TF: variants seen among roughly 807,000 people sequenced by gnomAD.
TF encodes serotransferrin.
In TF, 55 loss-of-function variants were observed where a neutral mutation model predicts 82.4. The observed-to-expected ratio is 0.67, with a 90% CI of 0.54 to 0.84. The LOEUF is 0.84. Among genes scored for constraint, TF ranks in the 40% least tolerant of loss-of-function variants. TF has a pLI of 0.00. For missense variants in TF, 737 were observed against 868.4 expected, an observed-to-expected ratio of 0.85 and a Z score of 1.90; for synonymous variants, 332 against 332.6, an observed-to-expected ratio of 1.00 and a Z score of 0.02.
the TF span, among the ~76,000 whole-genome samples, chr3:133,703,275 T>G: frequency 6.6e-6 from 1 of 152,216 alleles, no homozygotes; most frequent in Non-Finnish European, 1.5e-5. Flanking sequence ...TCATTTAGTC[T>G]TCATGATAAA....
the TF span, among the ~76,000 whole-genome samples, chr3:133,678,859 T>C: frequency 6.9e-6 from 1 of 144,786 alleles, no homozygotes; most frequent in Non-Finnish European, 1.5e-5. Context: ...ATTTTTTGTT[T>C]TGTTTTGTTT....
At chr3:133,762,731 G>C (rs1259643055) in intron 9 of TF, among the ~76,000 whole-genome samples, 4 of 152,146 alleles carry the variant, frequency 2.6e-5, no homozygotes, top group Non-Finnish European at 4.4e-5. Flanking sequence ...TTTGAGCCCT[G>C]ACCCATGAAT....
chr3:133,690,849 G>A, the TF span, among the ~76,000 whole-genome samples: 4 of 152,148 alleles, frequency 2.6e-5, no homozygotes, highest in Admixed American at 6.5e-5. Flanking sequence ...GTCAATTCTC[G>A]CTGCTTCTCA....
chr3:133,776,448 AT>A (rs1324564132), intron 15 of TF, among the ~76,000 whole-genome samples: 1 of 152,208 alleles, frequency 6.6e-6, no homozygotes, highest in South Asian at 2.1e-4. Flanking sequence ...TTTAAAAAAA[AT>A]AAGAGTATAT....
At chr3:133,733,038 C>T in the TF span, among the ~76,000 whole-genome samples, 6 of 152,210 alleles carry the variant, frequency 3.9e-5, no homozygotes, top group Admixed American at 3.9e-4. Context: ...TTACTGAATG[C>T]CACTTCTACC....
rs1934861524 is a variant in TF, at chr3:133,792,338, C to A, written c.*13718C>A. The A allele has an allele frequency of 6.6e-6, 1 of 152,150 alleles. No homozygotes were observed. Among genetic ancestry groups the A allele is most frequent in the South Asian group, 2.1e-4 (1 of 4,822 alleles). The allele number at this position is 152,150 out of a possible 1,614,324, so 9.4% of individuals were successfully genotyped here. On this transcript the variant is annotated 3_prime_UTR_variant, in exon 17 of 17. Transcript: ENST00000402696. ...CATGTCGTAGATGGTCTGTGTAAGT[C>A]ATGAAATAATTTACAAAAGAGAATT...
chr3:133,737,178 A>G, the TF span, among the ~76,000 whole-genome samples: 1 of 152,254 alleles, frequency 6.6e-6, no homozygotes, highest in Non-Finnish European at 1.5e-5. Flanking sequence ...AAACTGCACA[A>G]CTACATGGAA....
chr3:133,683,321 T>A, the TF span, among the ~76,000 whole-genome samples: 2 of 152,132 alleles, frequency 1.3e-5, no homozygotes, highest in African/African-American at 4.8e-5. Context: ...CCAGCTAACA[T>A]CATAATGACA....
chr3:133,690,837 A>G, the TF span, among the ~76,000 whole-genome samples: 2 of 152,306 alleles, frequency 1.3e-5, no homozygotes, highest in Non-Finnish European at 2.9e-5. Flanking sequence ...ACTGAAACCC[A>G]TGTCAATTCT....
intron 5 of TF, 117 bp from the exon 6 acceptor site, chr3:133,756,165 A>G: frequency 1.0e-6 from 1 of 952,782 alleles, no homozygotes; most frequent in South Asian, 1.4e-5. Context: ...TGCTTCAGCT[A>G]CGGGGCTGCA....
At chr3:133,667,582 A>T in the TF span, among the ~76,000 whole-genome samples, 1 of 152,146 alleles carries the variant, frequency 6.6e-6, no homozygotes, top group African/African-American at 2.4e-5. Context: ...GGGGCCAAAG[A>T]TAGCAATCAG....
At chr3:133,757,104 G>A in intron 7 of TF, 95 bp downstream of exon 7, 1 of 1,529,670 alleles carries the variant, frequency 6.5e-7, no homozygotes, top group South Asian at 1.1e-5. Flanking sequence ...GGAAGTCTGT[G>A]TGTTCAGGAT....
the TF span, among the ~76,000 whole-genome samples, chr3:133,703,728 G>T: frequency 2.0e-5 from 3 of 152,234 alleles, no homozygotes; most frequent in Middle Eastern, 3.4e-3. Flanking sequence ...AAAATTAATT[G>T]ATTAAAATAA....
At chr3:133,730,077 A>G in the TF span, among the ~76,000 whole-genome samples, 1 of 152,128 alleles carries the variant, frequency 6.6e-6, no homozygotes, top group Admixed American at 6.5e-5. Context: ...CATCTAGCGA[A>G]ATGAGCTTCT....
intron 14 of TF, chr3:133,775,087 C>A: frequency 2.7e-6 from 1 of 369,096 alleles, no homozygotes; most frequent in Non-Finnish European, 5.2e-6. Flanking sequence ...TGGCTTAGAG[C>A]GTCACATTCT....
chr3:133,717,726 G>A, the TF span, among the ~76,000 whole-genome samples: 1 of 152,164 alleles, frequency 6.6e-6, no homozygotes, highest in African/African-American at 2.4e-5. Context: ...CTGGGGTGGG[G>A]GGAGTTGGTT....
intron 9 of TF, 59 bp from the exon 10 acceptor site, chr3:133,764,123 A>C: frequency 4.0e-6 from 6 of 1,481,864 alleles, no homozygotes; most frequent in Non-Finnish European, 5.7e-6. Flanking sequence ...CAGCTGGAAA[A>C]GTGGGTGGCA....
the TF span, among the ~76,000 whole-genome samples, chr3:133,695,481 C>T: frequency 1.3e-5 from 2 of 152,076 alleles, no homozygotes; most frequent in African/African-American, 4.8e-5. Flanking sequence ...CTCTTGACCT[C>T]GTGATCCACC....
At chr3:133,735,765 G>C in the TF span, among the ~76,000 whole-genome samples, 1 of 152,074 alleles carries the variant, frequency 6.6e-6, no homozygotes, top group Non-Finnish European at 1.5e-5. Flanking sequence ...AAAAAAGAAT[G>C]AAAAAGAACA....
Sources: allele counts gnomAD v4.1 joint callset (sites outside exome capture counted in the v4.1 genomes callset), GRCh38; gene constraint gnomAD v4.1.1; transcripts MANE v1.5; gene names NCBI Gene and HGNC (gene_info 2026-07-23, HGNC 2026-07-21).